The following VIPR2 variants were observed in gnomAD, a reference collection of about 807,000 sequenced individuals.
VIPR2 encodes the protein vasoactive intestinal polypeptide receptor 2.
Under a neutral mutation model 58.0 loss-of-function variants are expected in VIPR2, and 48 were observed. The ratio of observed to expected loss-of-function variants is 0.83; its 90% CI spans 0.66 to 1.05. The LOEUF (loss-of-function observed/expected upper bound fraction) is 1.05. Among genes scored for constraint, VIPR2 ranks in the 50% least tolerant of loss-of-function variants. The pLI is 0.00. For synonymous variants in VIPR2, 243 were observed against 235.2 expected (o/e 1.03, Z -0.30); for missense variants, 534 against 558.0 (o/e 0.96, Z 0.43).
chr7:159,043,386 G>C (rs1405537752), intron 5 of VIPR2, among the ~76,000 whole-genome samples: 1 of 122,440 alleles, frequency 8.2e-6, no homozygotes. Flanking sequence ...ATTTTTTTGA[G>C]ATAATAAAGT....
chr7:159,031,958 G>A lies in VIPR2; in HGVS notation c.1081C>T (p.Leu361=), dbSNP rs768304110. 5.6e-6 allele frequency: 9 copies of A among 1,614,076 alleles called. No homozygotes were observed. Among genetic ancestry groups the A allele is most frequent in the Non-Finnish European group, 6.8e-6 (8 of 1,180,050 alleles). Reference sequence around the variant, plus strand: ...CCTACCTGGAACGACCCGAGGCACAGCTCAAACAGTATCTGGTATTTGGAG... The same window carrying A: ...CCTACCTGGAACGACCCGAGGCACAACTCAAACAGTATCTGGTATTTGGAG... The part of the protein sequence containing the change: ...ISSKYQILFE[L]CLGSFQGLVV... Residue 361 remains leucine, a synonymous_variant, in exon 11 of 13, where the codon CTG becomes TTG. Coordinates refer to ENST00000262178, the MANE Select transcript of VIPR2 (RefSeq NM_003382.5). This position sits in a 1 kb window ranked among gnomAD's most constrained non-coding sequence, Gnocchi z 4.0.
intron 4 of VIPR2, among the ~76,000 whole-genome samples, chr7:159,091,829 G>C (rs1857524830): frequency 6.6e-6 from 1 of 152,244 alleles, no homozygotes; most frequent in Admixed American, 6.5e-5. Context: ...AGCAACCGCA[G>C]TTAGAAAAGC....
chr7:159,103,965 G>A, intron 3 of VIPR2, 111 bp from the exon 4 acceptor site: 1 of 878,674 alleles, frequency 1.1e-6, no homozygotes, highest in Non-Finnish European at 1.8e-6. Flanking sequence ...CCACACCCAG[G>A]GGTCAGCTAG....
chr7:159,113,074 C>G (rs1004021643), intron 2 of VIPR2, among the ~76,000 whole-genome samples: 2 of 152,288 alleles, frequency 1.3e-5, no homozygotes, highest in South Asian at 4.1e-4. Flanking sequence ...AGAAGAGAGA[C>G]AGACCCTCTC....
chr7:159,084,213 G>C (rs143898440), intron 4 of VIPR2, among the ~76,000 whole-genome samples: 2 of 152,280 alleles, frequency 1.3e-5, no homozygotes, highest in East Asian at 1.9e-4. Context: ...AGGGGCAAAG[G>C]CCATGCCTCT....
chr7:159,085,457 G>A lies in VIPR2; in HGVS notation c.357+18300C>T, dbSNP rs185919016. The stretch of plus-strand genomic sequence containing the variant: ...ACTACAGGCACGTGCCACCACGCCC[G>A]GCTAATTTTTGTATTTTTAGTAGAG... On this transcript the variant is annotated intron_variant, in intron 4 of 12. Coordinates refer to ENST00000262178, the MANE Select transcript of VIPR2 (RefSeq NM_003382.5). Among the ~76,000 whole-genome samples, 534 of 152,222 alleles carry A rather than the reference G, an allele frequency of 3.5e-3. 6 individuals are homozygous for A. The highest frequency in any genetic ancestry group is 0.025 in the Admixed American group (376 of 15,286).
In VIPR2 at chr7:159,031,979, T is replaced by A; in HGVS notation, c.1060A>T (p.Lys354Ter). The change falls in exon 11 of 13, where the codon AAA becomes TAA. Residue 354 changes from lysine (K) to a stop codon, truncating the protein, a stop_gained. Coordinates refer to ENST00000262178, the MANE Select transcript of VIPR2 (RefSeq NM_003382.5). LOFTEE classifies it high-confidence loss of function. The surrounding 1 kb of genome is among the most constrained non-coding windows in gnomAD (Gnocchi z 4.0). ...CACAGCTCAAACAGTATCTGGTATT[T>A]GGAGGAGATGCTGATGGGAAACACG... ...FAVFPISISS[K>*]YQILFELCLG... 2 of 1,614,106 alleles carry A rather than the reference T, an allele frequency of 1.2e-6. No individual in the cohort carries two copies. Among genetic ancestry groups the A allele is most frequent in the Non-Finnish European group, 1.7e-6 (2 of 1,180,018 alleles).
intron 4 of VIPR2, among the ~76,000 whole-genome samples, chr7:159,103,473 G>A (rs1314861045): frequency 6.6e-6 from 1 of 152,086 alleles, no homozygotes; most frequent in Non-Finnish European, 1.5e-5. Context: ...GGGCAGGCGG[G>A]GCCACTCTCA....
At chr7:159,136,389 T>C (rs1306249851) in intron 2 of VIPR2, among the ~76,000 whole-genome samples, 2 of 152,046 alleles carry the variant, frequency 1.3e-5, no homozygotes, top group Non-Finnish European at 2.9e-5. Flanking sequence ...ACTACTACAT[T>C]GAGGATTGTT....
At position 159,100,510 on chromosome 7, in the gene VIPR2, A is replaced by G. The variant is rs187945561; in HGVS notation, c.357+3247T>C. On this transcript the variant is annotated intron_variant, in intron 4 of 12. Coordinates refer to ENST00000262178, the MANE Select transcript of VIPR2 (RefSeq NM_003382.5). The stretch of plus-strand genomic sequence containing the variant: ...GCCAGCACCACCTTATCTGCTGAAC[A>G]CAATGACAGTGGGTTCACAGTAACA... Among the ~76,000 whole-genome samples the G allele has an allele frequency of 5.1e-3, 780 of 152,326 alleles. 8 individuals carry two copies. The highest frequency in any genetic ancestry group is 0.017 in the African/African-American group (725 of 41,566).
rs546221855 is a variant in VIPR2, at chr7:159,127,165, T to G, written c.151+15281A>C. ...TCAGATACGCTGACATTCTGTCTAA[T>G]TAGTGCGCTGCATGCATCCCACCCT... On this transcript the variant is annotated intron_variant, in intron 2 of 12. Transcript: ENST00000262178. The surrounding 1 kb of genome is among the most constrained non-coding windows in gnomAD (Gnocchi z 4.6). Among the ~76,000 whole-genome samples the G allele has an allele frequency of 2.0e-5, 3 of 152,352 alleles. No individual in the cohort carries two copies. Among genetic ancestry groups the G allele is most frequent in the Admixed American group, 2.0e-4 (3 of 15,310 alleles).
intron 4 of VIPR2, among the ~76,000 whole-genome samples, chr7:159,101,672 T>C (rs1238093543): frequency 2.0e-5 from 3 of 148,916 alleles, no homozygotes; most frequent in African/African-American, 2.5e-5. Context: ...GTTCCTGTGG[T>C]AGTGAACGGG....
intron 3 of VIPR2, among the ~76,000 whole-genome samples, chr7:159,108,692 G>A (rs1450814111): frequency 6.6e-6 from 1 of 152,192 alleles, no homozygotes; most frequent in Non-Finnish European, 1.5e-5. Flanking sequence ...TTGCTAATGT[G>A]CAAACTACCA....
chr7:159,065,919 A>T (rs1280537956), intron 4 of VIPR2, among the ~76,000 whole-genome samples: 1 of 152,184 alleles, frequency 6.6e-6, no homozygotes, highest in East Asian at 1.9e-4. Flanking sequence ...GTGAGGTTTG[A>T]CCTCCCCTGA....
At chr7:159,060,446 C>T (rs568500541) in intron 4 of VIPR2, among the ~76,000 whole-genome samples, 3 of 152,204 alleles carry the variant, frequency 2.0e-5, no homozygotes, top group South Asian at 4.2e-4. Context: ...CTAACCACCA[C>T]TCTCAATTCA....
chr7:159,078,716 A>T (rs1856766139), intron 4 of VIPR2, among the ~76,000 whole-genome samples: 1 of 152,220 alleles, frequency 6.6e-6, no homozygotes, highest in Admixed American at 6.5e-5. Flanking sequence ...GCTGAGGAGG[A>T]GCACGTTGTT....
rs562899391 is a variant in VIPR2, at chr7:159,098,280, T to A, written c.357+5477A>T. Reference sequence around the variant, plus strand: ...ACTTGGTGATCCCGAGCCCTCAGTCTGCTGGTGGTGGTGCTCGAGAACTGT... The same window carrying A: ...ACTTGGTGATCCCGAGCCCTCAGTCAGCTGGTGGTGGTGCTCGAGAACTGT... On this transcript the variant is annotated intron_variant, in intron 4 of 12. Transcript: ENST00000262178. This position sits in a 1 kb window ranked among gnomAD's most constrained non-coding sequence, Gnocchi z 5.2. Among the ~76,000 whole-genome samples, 4 of 152,130 alleles carry A rather than the reference T, an allele frequency of 2.6e-5. No homozygotes were observed. Among genetic ancestry groups the A allele is most frequent in the Admixed American group, 2.0e-4 (3 of 15,282 alleles).
intron 6 of VIPR2, among the ~76,000 whole-genome samples, chr7:159,040,083 A>AT (rs1418727426): frequency 1.3e-5 from 2 of 152,168 alleles, no homozygotes; most frequent in Non-Finnish European, 2.9e-5. Context: ...ACATCTCTGC[A>AT]TTTTTTCCCA....
intron 2 of VIPR2, among the ~76,000 whole-genome samples, chr7:159,130,621 C>A (rs1001927578): frequency 6.6e-6 from 1 of 152,020 alleles, no homozygotes; most frequent in African/African-American, 2.4e-5. Flanking sequence ...ACCCCCCAAT[C>A]CCCAAACTAC....
Sources: allele counts gnomAD v4.1 joint callset (sites outside exome capture counted in the v4.1 genomes callset), GRCh38; gene constraint gnomAD v4.1.1; non-coding constraint Gnocchi (gnomAD v3.1); transcripts MANE v1.5; gene names NCBI Gene and HGNC (gene_info 2026-07-23, HGNC 2026-07-21).